MAN1B1: variants seen among roughly 807,000 people sequenced by gnomAD.
The protein encoded by MAN1B1 is mannosidase alpha class 1B member 1, also known as endoplasmic reticulum mannosyl-oligosaccharide 1,2-alpha-mannosidase.
In MAN1B1, 66 loss-of-function variants were observed where a neutral mutation model predicts 75.5. The ratio of observed to expected loss-of-function variants is 0.87; its 90% CI spans 0.72 to 1.07. MAN1B1 has a LOEUF of 1.07. Ranked by LOEUF, MAN1B1 falls within the 50% of genes least tolerant of loss-of-function variation. MAN1B1 has a pLI of 0.00. For synonymous variants in MAN1B1, 453 were observed against 382.8 expected (o/e 1.18, Z -2.14); for missense variants, 973 against 912.5 (o/e 1.07, Z -0.85).
In MAN1B1 at chr9:137,108,576, C is replaced by T. The variant is rs1831201670; in HGVS notation, c.2085C>T (p.Ile695=). Reference sequence around the variant, plus strand: ...ACACCGAAGCCCACCCTCTGCCTATCTGGACCCCTGCCTAGGGTGGATGGC... The same window carrying T: ...ACACCGAAGCCCACCCTCTGCCTATTTGGACCCCTGCCTAGGGTGGATGGC... ...VFNTEAHPLP[I]WTPA is the part of the protein sequence containing the mutation. Residue 695 remains isoleucine, a synonymous_variant, in exon 13 of 13, where the codon ATC becomes ATT. Transcript: ENST00000371589. 1 of 1,613,680 alleles carries T rather than the reference C, an allele frequency of 6.2e-7. No homozygotes were observed. Among genetic ancestry groups the T allele is most frequent in the African/African-American group, 1.3e-5 (1 of 74,922 alleles).
chr9:137,094,323 G>C (rs1042726318), intron 3 of MAN1B1: 3 of 420,340 alleles, frequency 7.1e-6, no homozygotes, highest in Non-Finnish European at 9.7e-6. Flanking sequence ...CCCTCGTAAC[G>C]GTGATTTTTA....
At position 137,096,336 on chromosome 9, in the gene MAN1B1, C is replaced by T; in HGVS notation, c.565C>T (p.Gln189Ter). The change falls in exon 4 of 13, where the codon CAA becomes TAA. Residue 189 changes from glutamine to a stop codon, truncating the protein, a stop_gained. Transcript: ENST00000371589. LOFTEE classifies it high-confidence loss of function. ...DGTQEEATKR[Q>*]EAPVDPRPEG... ...GACCCAGGAGGAGGCCACAAAAAGG[C>T]AAGAAGCCCCTGTGGATCCCCGCCC... The T allele has an allele frequency of 6.2e-7, 1 of 1,614,056 alleles. No individual in the cohort carries two copies. The highest frequency in any genetic ancestry group is 1.1e-5 in the South Asian group (1 of 91,084).
chr9:137,088,226 G>C (rs1367870736), intron 2 of MAN1B1, 43 bp downstream of exon 2: 3 of 1,613,960 alleles, frequency 1.9e-6, no homozygotes, highest in South Asian at 2.2e-5. Context: ...CTGTGTTGAG[G>C]GTTGATTGGG....
In MAN1B1 at chr9:137,106,177, ATGGGCTGGT is replaced by A; in HGVS notation, c.1308_1316del (p.Asp436_Val439delinsGlu). The A allele has an allele frequency of 1.2e-6, 2 of 1,612,850 alleles. No individual in the cohort carries two copies. The highest frequency in any genetic ancestry group is 2.2e-5 in the South Asian group (2 of 90,878). Reference sequence around the variant, plus strand: ...ATCCACGGCCTGTCTGGGAAGAAGGATGGGCTGGTGCCCATGTTCATCAATACCCACAGT... The same window carrying A: ...ATCCACGGCCTGTCTGGGAAGAAGGAGCCCATGTTCATCAATACCCACAGT... On this transcript the variant is annotated inframe_deletion, in exon 9 of 13. Transcript: ENST00000371589.
At chr9:137,106,934 C>A in intron 10 of MAN1B1, 125 bp downstream of exon 10, 2 of 1,348,614 alleles carry the variant, frequency 1.5e-6, no homozygotes, top group Non-Finnish European at 2.0e-6. Context: ...CCTGGGTGGA[C>A]CGTGGCTGCC....
chr9:137,107,031 G>A (rs577848397), intron 10 of MAN1B1: 27 of 744,786 alleles, frequency 3.6e-5, no homozygotes, highest in Admixed American at 8.7e-5. Flanking sequence ...CTCCCTCCCC[G>A]TGCCCGGTGT....
rs1164752378 is a variant in MAN1B1 at position 137,099,679 on chromosome 9, T to G, written c.731-17T>G. The G allele has an allele frequency of 1.2e-6, 2 of 1,613,536 alleles. No homozygotes were observed. Among genetic ancestry groups the G allele is most frequent in the South Asian group, 1.1e-5 (1 of 91,084 alleles). On this transcript the variant is annotated splice_polypyrimidine_tract_variant and intron_variant, in intron 5 of 12. Coordinates refer to ENST00000371589, the MANE Select transcript of MAN1B1 (RefSeq NM_016219.5). Reference sequence around the variant, plus strand: ...GGACCACGTCCGCCATGGCCTGTGCTCTCTCCCCCCTACTAGTGCATCTGA... The same window carrying G: ...GGACCACGTCCGCCATGGCCTGTGCGCTCTCCCCCCTACTAGTGCATCTGA...
chr9:137,097,592 G>A (rs1453496186), intron 4 of MAN1B1, among the ~76,000 whole-genome samples: 2 of 152,150 alleles, frequency 1.3e-5, no homozygotes, highest in Non-Finnish European at 1.5e-5. Context: ...TCCAAGCTCT[G>A]GTCTCTGACC....
intron 8 of MAN1B1, 126 bp downstream of exon 8, chr9:137,101,798 C>A (rs1433343565): frequency 8.9e-7 from 1 of 1,126,352 alleles, no homozygotes; most frequent in South Asian, 1.3e-5. Flanking sequence ...TGATAAAACA[C>A]ACAAAACGCA....
chr9:137,098,065 CCT>C (rs1830705920), intron 5 of MAN1B1, 128 bp downstream of exon 5: 1 of 707,060 alleles, frequency 1.4e-6, no homozygotes, highest in Non-Finnish European at 2.5e-6. Flanking sequence ...TCAGCATCCC[CCT>C]GTTGTCTGAG....
In MAN1B1 at chr9:137,096,325, C is replaced by T; in HGVS notation, c.554C>T (p.Ala185Val). Residue 185 changes from alanine to valine, a missense_variant, in exon 4 of 13, where the codon GCC (alanine) becomes GTC (valine). Ala to Val is a moderately conservative substitution (Grantham distance 64). Transcript: ENST00000371589. ...QDLKDGTQEEATKRQEAPVDP... is the reference protein window; with the variant it reads ...QDLKDGTQEEVTKRQEAPVDP... ...CTGAAGGATGGGACCCAGGAGGAGG[C>T]CACAAAAAGGCAAGAAGCCCCTGTG... 1 of 1,614,034 alleles carries T rather than the reference C, an allele frequency of 6.2e-7. No individual in the cohort carries two copies. The highest frequency in any genetic ancestry group is 8.5e-7 in the Non-Finnish European group (1 of 1,180,028).
chr9:137,088,330 G>C, intron 2 of MAN1B1, 147 bp downstream of exon 2: 1 of 1,602,134 alleles, frequency 6.2e-7, no homozygotes, highest in Non-Finnish European at 8.5e-7. Context: ...AGGTAGAGCT[G>C]TATGTAACCA....
rs1234323103 is a variant in MAN1B1 at position 137,088,092 on chromosome 9, G to C, written c.237G>C (p.Ser79=). Residue 79 remains serine, a synonymous_variant, in exon 2 of 13, where the codon TCG becomes TCC. Transcript: ENST00000371589. ...RSCWRKWKQL[S]RLQRNMILFL... Reference sequence around the variant, plus strand: ...TCCCTTAGAAATGGAAGCAACTGTCGAGATTGCAGCGGAATATGATTCTCT... The same window carrying C: ...TCCCTTAGAAATGGAAGCAACTGTCCAGATTGCAGCGGAATATGATTCTCT... 1.2e-6 allele frequency: 2 copies of C among 1,614,084 alleles called. No individual in the cohort carries two copies. The highest frequency in any genetic ancestry group is 1.1e-5 in the South Asian group (1 of 91,082).
Position 137,106,121 on chromosome 9 carries a change from G to T in MAN1B1, c.1255-4G>T, listed in dbSNP as rs201918928. The T allele has an allele frequency of 2.5e-5, 40 of 1,611,712 alleles. No individual in the cohort carries two copies. The highest frequency in any genetic ancestry group is 3.1e-5 in the Non-Finnish European group (37 of 1,179,050). ...TAAACCCACCATCCCCCTTTCTGCC[G>T]CAGGAGGCAGTGGAGAAGGTGACAC... On this transcript the variant is annotated splice_region_variant and splice_polypyrimidine_tract_variant and intron_variant, in intron 8 of 12. Transcript: ENST00000371589.
At chr9:137,107,221 C>T (rs747588091) in intron 10 of MAN1B1, 29 bp from the exon 11 acceptor site, 3 of 1,608,222 alleles carry the variant, frequency 1.9e-6, no homozygotes, top group South Asian at 1.1e-5. Flanking sequence ...GGCCTGGGAT[C>T]TGGGGCTGAA....
Position 137,108,480 on chromosome 9 carries a change from G to T in MAN1B1, c.1989G>T (p.Glu663Asp), listed in dbSNP as rs1217484838. The change falls in exon 13 of 13, where the codon GAG (glutamate) becomes GAT (aspartate). Residue 663 changes from glutamate (E) to aspartate (D), a missense_variant. Coordinates refer to ENST00000371589, the MANE Select transcript of MAN1B1 (RefSeq NM_016219.5). ...RDKMESFFLG[E>D]TLKYLFLLFS... ...AGATGGAGAGCTTCTTCCTGGGGGA[G>T]ACGCTCAAGTATCTGTTCTTGCTCT... 6.2e-7 allele frequency: 1 copy of T among 1,613,934 alleles called. No individual in the cohort carries two copies. The highest frequency in any genetic ancestry group is 8.5e-7 in the Non-Finnish European group (1 of 1,180,036).
At position 137,108,746 on chromosome 9, in the gene MAN1B1, C is replaced by T; in HGVS notation, c.*155C>T. On this transcript the variant is annotated 3_prime_UTR_variant, in exon 13 of 13. Coordinates refer to ENST00000371589, the MANE Select transcript of MAN1B1 (RefSeq NM_016219.5). Reference sequence around the variant, plus strand: ...CTCCTCGTCTCTGCTTTAATCAGGACACCGTGAGGACAAGTGAGGCCGTCA... The same window carrying T: ...CTCCTCGTCTCTGCTTTAATCAGGATACCGTGAGGACAAGTGAGGCCGTCA... The T allele has an allele frequency of 1.3e-6, 1 of 757,952 alleles. No homozygotes were observed. The highest frequency in any genetic ancestry group is 2.3e-6 in the Non-Finnish European group (1 of 430,862). The allele number at this position is 757,952 out of a possible 1,614,324, so 47.0% of individuals were successfully genotyped here.
intron 3 of MAN1B1, among the ~76,000 whole-genome samples, chr9:137,095,631 T>C (rs895189727): frequency 6.6e-5 from 10 of 152,174 alleles, no homozygotes; most frequent in Admixed American, 1.3e-4. Flanking sequence ...TGGATTTGCC[T>C]CTAGACTCAC....
chr9:137,102,497 A>G (rs1830882190), intron 8 of MAN1B1: 2 of 398,452 alleles, frequency 5.0e-6, no homozygotes, highest in Non-Finnish European at 9.6e-6. Flanking sequence ...GCAGGCGTGC[A>G]GGTCAGTGTT....
Sources: allele counts gnomAD v4.1 joint callset (sites outside exome capture counted in the v4.1 genomes callset), GRCh38; gene constraint gnomAD v4.1.1; transcripts MANE v1.5; gene names NCBI Gene and HGNC (gene_info 2026-07-23, HGNC 2026-07-21).